SND1: variants seen among roughly 807,000 people sequenced by gnomAD.
SND1 encodes staphylococcal nuclease domain-containing protein 1.
In SND1, 38 loss-of-function variants were observed where a neutral mutation model predicts 121.7. The ratio of observed to expected loss-of-function variants is 0.31; its 90% CI spans 0.24 to 0.41. SND1 has a LOEUF of 0.41. SND1 is among the 10% of genes least tolerant of loss of function. The pLI is 1.00. For synonymous variants in SND1, 401 were observed against 447.4 expected (o/e 0.90, Z 1.31); for missense variants, 868 against 1,184.6 (o/e 0.73, Z 3.92).
chr7:128,029,978 C>T lies in SND1; in HGVS notation c.1779+38922C>T, dbSNP rs779656289. The T allele has an allele frequency of 8.7e-6, 14 of 1,613,172 alleles. No individual in the cohort carries two copies. The highest frequency in any genetic ancestry group is 9.3e-6 in the Non-Finnish European group (11 of 1,180,036). Reference sequence around the variant, plus strand: ...AGTGGTTCCCTGACATCTCCAGCTCCTCCAGCCCCACCAGGGGGGTGAGAT... The same window carrying T: ...AGTGGTTCCCTGACATCTCCAGCTCTTCCAGCCCCACCAGGGGGGTGAGAT... On this transcript the variant is annotated intron_variant, in intron 16 of 23. Transcript: ENST00000354725. This position sits in a 1 kb window ranked among gnomAD's most constrained non-coding sequence, Gnocchi z 4.2.
intron 14 of SND1, among the ~76,000 whole-genome samples, chr7:127,916,400 A>G (rs1040986003): frequency 1.1e-4 from 17 of 152,296 alleles, no homozygotes; most frequent in African/African-American, 3.8e-4. Context: ...AAATGATGGC[A>G]GAGTAGATTT....
intron 12 of SND1, among the ~76,000 whole-genome samples, chr7:127,868,337 A>G (rs1425243774): frequency 6.6e-6 from 1 of 152,208 alleles, no homozygotes; most frequent in Admixed American, 6.5e-5. Flanking sequence ...GGTAACTGTG[A>G]TTGCACCACT....
At chr7:127,752,218 T>C (rs910720762) in intron 10 of SND1, among the ~76,000 whole-genome samples, 1 of 152,242 alleles carries the variant, frequency 6.6e-6, no homozygotes, top group South Asian at 2.1e-4. Flanking sequence ...GATGAGTGAT[T>C]TTTATTTCAC....
intron 1 of SND1, among the ~76,000 whole-genome samples, chr7:127,667,017 CT>C: frequency 6.6e-6 from 1 of 152,220 alleles, no homozygotes; most frequent in African/African-American, 2.4e-5. Flanking sequence ...GTGATTTGCA[CT>C]TTATTTTGAC....
intron 1 of SND1, among the ~76,000 whole-genome samples, chr7:127,665,171 A>G (rs1386697977): frequency 6.6e-6 from 1 of 150,704 alleles, no homozygotes; most frequent in Non-Finnish European, 1.5e-5. Context: ...AGTTTTGGAA[A>G]TCGTTTTGAC....
chr7:127,906,091 C>G (rs1367265541), intron 14 of SND1, among the ~76,000 whole-genome samples: 1 of 152,096 alleles, frequency 6.6e-6, no homozygotes, highest in African/African-American at 2.4e-5. Flanking sequence ...CTCTGTTGAG[C>G]TTTTCTTTCT....
chr7:127,714,112 T>G (rs924662098), intron 9 of SND1, among the ~76,000 whole-genome samples: 1 of 152,164 alleles, frequency 6.6e-6, no homozygotes, highest in Non-Finnish European at 1.5e-5. Flanking sequence ...AGTGGAATCA[T>G]GTCCTCAAGA....
At chr7:127,836,975 A>G (rs1225969453) in intron 11 of SND1, among the ~76,000 whole-genome samples, 2 of 152,230 alleles carry the variant, frequency 1.3e-5, no homozygotes, top group African/African-American at 4.8e-5. Context: ...CACACCTGAA[A>G]TTCTTTTTCT....
At chr7:127,724,405 C>G (rs1796549153) in intron 10 of SND1, among the ~76,000 whole-genome samples, 1 of 152,162 alleles carries the variant, frequency 6.6e-6, no homozygotes, top group Non-Finnish European at 1.5e-5. Flanking sequence ...ATGGATGGCT[C>G]CTGTGGACGG....
intron 10 of SND1, among the ~76,000 whole-genome samples, chr7:127,791,844 A>C (rs575122010): frequency 6.6e-6 from 1 of 152,178 alleles, no homozygotes; most frequent in Non-Finnish European, 1.5e-5. Context: ...CTTTATTTAC[A>C]TCCCATTTTA....
At chr7:128,050,700 A>G (rs560647462) in intron 16 of SND1, among the ~76,000 whole-genome samples, 2 of 152,152 alleles carry the variant, frequency 1.3e-5, no homozygotes, top group African/African-American at 4.8e-5. Flanking sequence ...TCCATTTATC[A>G]TGTCACCTGC....
intron 10 of SND1, among the ~76,000 whole-genome samples, chr7:127,788,273 G>A (rs868241364): frequency 1.3e-5 from 2 of 152,174 alleles, no homozygotes; most frequent in Admixed American, 6.5e-5. Context: ...GTCAGACTCA[G>A]TACTAGGTGC....
intron 16 of SND1, among the ~76,000 whole-genome samples, chr7:128,074,224 C>G (rs953187959): frequency 6.6e-6 from 1 of 151,778 alleles, no homozygotes; most frequent in African/African-American, 2.4e-5. Context: ...CCTTCAGCTG[C>G]GCTCTCTCTC....
At chr7:127,890,518 A>G (rs1213582596) in intron 13 of SND1, among the ~76,000 whole-genome samples, 1 of 152,098 alleles carries the variant, frequency 6.6e-6, no homozygotes, top group African/African-American at 2.4e-5. Flanking sequence ...ATGCATTTCC[A>G]GAGTAGCAGG....
chr7:127,826,589 C>G (rs1798646867), intron 11 of SND1, among the ~76,000 whole-genome samples: 1 of 152,126 alleles, frequency 6.6e-6, no homozygotes, highest in Non-Finnish European at 1.5e-5. Context: ...TGTATTTTAT[C>G]TCATTGAAAA....
At chr7:127,918,695 T>C (rs559301644) in intron 14 of SND1, among the ~76,000 whole-genome samples, 1 of 152,212 alleles carries the variant, frequency 6.6e-6, no homozygotes, top group African/African-American at 2.4e-5. Flanking sequence ...TAGAATTGAT[T>C]TAATCAGCCT....
At chr7:128,005,140 G>A (rs1802929760) in intron 16 of SND1, among the ~76,000 whole-genome samples, 1 of 152,214 alleles carries the variant, frequency 6.6e-6, no homozygotes, top group Non-Finnish European at 1.5e-5. Context: ...CCACTAACGT[G>A]TGACAACTTC....
intron 9 of SND1, among the ~76,000 whole-genome samples, chr7:127,708,054 T>C (rs1796232701): frequency 6.6e-6 from 1 of 152,168 alleles, no homozygotes; most frequent in Non-Finnish European, 1.5e-5. Context: ...GGAACCACAT[T>C]TGGAGTATCC....
chr7:127,835,273 G>T (rs1798845216), intron 11 of SND1, among the ~76,000 whole-genome samples: 1 of 152,050 alleles, frequency 6.6e-6, no homozygotes. Context: ...GTGACATTGG[G>T]TGTATTTGAC....
Sources: gnomAD v4.1 joint callset for allele counts (sites outside exome capture counted in the v4.1 genomes callset) on GRCh38, gnomAD v4.1.1 for gene constraint, Gnocchi (gnomAD v3.1) non-coding constraint, MANE v1.5 for transcripts, NCBI Gene and HGNC (gene_info 2026-07-23, HGNC 2026-07-21) for gene names.